The following DYNC1H1 variants were observed in gnomAD, a reference collection of about 807,000 sequenced individuals.
DYNC1H1 encodes cytoplasmic dynein 1 heavy chain 1.
A neutral mutation model predicts 527.1 loss-of-function variants in DYNC1H1; 51 were observed. The ratio of observed to expected loss-of-function variants is 0.10; its 90% CI spans 0.08 to 0.12. The LOEUF is 0.12. Among genes scored for constraint, DYNC1H1 ranks in the 10% least tolerant of loss-of-function variants. The pLI is 1.00. For synonymous variants in DYNC1H1, 2,189 were observed against 2,278.8 expected (o/e 0.96, Z 1.12); for missense variants, 2,771 against 5,971.8 (o/e 0.46, Z 17.66).
intron 1 of DYNC1H1, among the ~76,000 whole-genome samples, chr14:101,974,711 A>G (rs2047780227): frequency 6.6e-6 from 1 of 152,104 alleles, no homozygotes; most frequent in South Asian, 2.1e-4. Context: ...TTTTATTATT[A>G]AAAAATTGAG....
chr14:102,042,453 C>T lies in DYNC1H1; in HGVS notation c.12345C>T (p.Ser4115=), dbSNP rs774128776. 126 of 1,613,982 alleles carry T rather than the reference C, an allele frequency of 7.8e-5. No individual in the cohort carries two copies. Among genetic ancestry groups the T allele is most frequent in the Non-Finnish European group, 1.1e-4 (125 of 1,180,038 alleles). Residue 4115 remains serine, a synonymous_variant, in exon 68 of 78, where the codon TCC becomes TCT. Coordinates refer to ENST00000360184, the MANE Select transcript of DYNC1H1 (RefSeq NM_001376.5). This position sits in a 1 kb window ranked among gnomAD's most constrained non-coding sequence, Gnocchi z 5.7. The part of the protein sequence containing the change: ...WLMQLEKKLH[S]LQPHACFRLF... Reference sequence around the variant, plus strand: ...TGCAGCTGGAGAAGAAGTTGCATTCCCTGCAGCCGCATGCCTGCTTCCGAC... The same window carrying T: ...TGCAGCTGGAGAAGAAGTTGCATTCTCTGCAGCCGCATGCCTGCTTCCGAC...
intron 72 of DYNC1H1, among the ~76,000 whole-genome samples, chr14:102,047,398 G>A (rs982405028): frequency 4.6e-5 from 7 of 151,806 alleles, no homozygotes; most frequent in Non-Finnish European, 7.4e-5. Context: ...TTAGCCAGGC[G>A]CGGTGCCACA....
In DYNC1H1 at chr14:102,042,015, G is replaced by A. The variant is rs749536807; in HGVS notation, c.12105G>A (p.Val4035=). Residue 4035 remains valine (V), a splice_region_variant and synonymous_variant, in exon 66 of 78, where the codon GTG becomes GTA. Transcript: ENST00000360184. The surrounding 1 kb of genome is among the most constrained non-coding windows in gnomAD (Gnocchi z 5.7). Reference sequence around the variant, plus strand: ...ACTTCTGCCTTCTTTGTTTGCAGGTGAAGCCCAACACTCCTGTCTTAATGT... The same window carrying A: ...ACTTCTGCCTTCTTTGTTTGCAGGTAAAGCCCAACACTCCTGTCTTAATGT... ...LDLTHIVGTE[V]KPNTPVLMCS... is the part of the protein sequence containing the mutation. 4.3e-6 allele frequency: 7 copies of A among 1,613,966 alleles called. No homozygotes were observed. The highest frequency in any genetic ancestry group is 4.0e-5 in the African/African-American group (3 of 74,916).
At position 101,979,649 on chromosome 14, in the gene DYNC1H1, A is replaced by G; in HGVS notation, c.519-70A>G. ...TATGTGTGTCATTACTATTTGACAG[A>G]CCTGAAATGATGGGATCTCTTTGGA... is the stretch of plus-strand genomic sequence containing the variant. On this transcript the variant is annotated intron_variant, in intron 3 of 77. Transcript: ENST00000360184. The surrounding 1 kb of genome is among the most constrained non-coding windows in gnomAD (Gnocchi z 4.6). 6.2e-7 allele frequency: 1 copy of G among 1,611,260 alleles called. No homozygotes were observed. Among genetic ancestry groups the G allele is most frequent in the Admixed American group, 1.7e-5 (1 of 59,984 alleles).
At chr14:102,003,057 T>A in intron 23 of DYNC1H1, 92 bp downstream of exon 23, 1 of 1,553,378 alleles carries the variant, frequency 6.4e-7, no homozygotes, top group Non-Finnish European at 8.8e-7. Context: ...GGCCTGTGTT[T>A]GTTAGTTTTG....
intron 10 of DYNC1H1, 82 bp downstream of exon 10, chr14:101,988,934 C>G (rs1186533947): frequency 6.4e-7 from 1 of 1,573,770 alleles, no homozygotes; most frequent in Non-Finnish European, 8.6e-7. Flanking sequence ...GGAAAGGTCA[C>G]TTAGTGTGGA....
In DYNC1H1 at chr14:102,048,328, C is replaced by T. The variant is rs148469044; in HGVS notation, c.13219-188C>T. 1.4e-3 allele frequency: 1,184 copies of T among 834,646 alleles called. 11 individuals carry two copies. The African/African-American group carries it at 0.017, about 12-fold the overall frequency. 51.7% of individuals were successfully genotyped at this position (834,646 alleles called of 1,614,324 possible). ...GCTGCGACTCGGGCAGGGGCCTCAGCGGGTTTCTGAGCAGCCTCAGCTTCA... is the reference window on the plus strand; with the variant it reads ...GCTGCGACTCGGGCAGGGGCCTCAGTGGGTTTCTGAGCAGCCTCAGCTTCA... On this transcript the variant is annotated intron_variant, in intron 73 of 77. Transcript: ENST00000360184.
Position 101,988,737 on chromosome 14 carries a change from G to T in DYNC1H1, c.2753G>T (p.Gly918Val), listed in dbSNP as rs2047963817. 1 of 1,614,164 alleles carries T rather than the reference G, an allele frequency of 6.2e-7. No homozygotes were observed. The highest frequency in any genetic ancestry group is 8.5e-7 in the Non-Finnish European group (1 of 1,180,030). ...ERILGVRLQAGLRAWTQVLLG... is the reference protein window; with the variant it reads ...ERILGVRLQAVLRAWTQVLLG... ...ATATTGGGCGTCCGTCTGCAAGCTG[G>T]CCTGAGAGCTTGGACGCAGGTTCTT... The change falls in exon 10 of 78, where the codon GGC (glycine) becomes GTC (valine). Residue 918 changes from glycine (G) to valine (V), a missense_variant. Gly to Val is a moderately radical substitution (Grantham distance 109). Transcript: ENST00000360184.
In DYNC1H1 at chr14:102,026,718, T is replaced by A; in HGVS notation, c.8771+11T>A. 16 of 1,613,556 alleles carry A rather than the reference T, an allele frequency of 9.9e-6. No homozygotes were observed. Among genetic ancestry groups the A allele is most frequent in the Non-Finnish European group, 1.3e-5 (15 of 1,179,776 alleles). On this transcript the variant is annotated intron_variant, in intron 44 of 77. Coordinates refer to ENST00000360184, the MANE Select transcript of DYNC1H1 (RefSeq NM_001376.5). ...GCTGAGGATTGACAGGTGGGCTTTT[T>A]TGTTGTTACAGCCCCACCTCTCGCC...
At chr14:102,045,664 T>C (rs1016524663) in intron 72 of DYNC1H1, among the ~76,000 whole-genome samples, 3 of 152,000 alleles carry the variant, frequency 2.0e-5, no homozygotes, top group Admixed American at 2.0e-4. Context: ...AGTTGAAAAG[T>C]ACCTGATATT....
Position 101,979,803 on chromosome 14 carries a change from A to G in DYNC1H1, c.603A>G (p.Glu201=). ...MGLLHLQQNI[E]IPEISLPIHP... ...TCCTTCACTTGCAGCAAAATATTGA[A>G]ATTCCGGAGATCAGCCTGCCGATTC... The change falls in exon 4 of 78, where the codon GAA becomes GAG. Residue 201 remains glutamate (E), a synonymous_variant. Coordinates refer to ENST00000360184, the MANE Select transcript of DYNC1H1 (RefSeq NM_001376.5). The surrounding 1 kb of genome is among the most constrained non-coding windows in gnomAD (Gnocchi z 4.6). 6.2e-7 allele frequency: 1 copy of G among 1,614,170 alleles called. No individual in the cohort carries two copies. Among genetic ancestry groups the G allele is most frequent in the Non-Finnish European group, 8.5e-7 (1 of 1,180,036 alleles).
Position 102,056,022 on chromosome 14 carries a change from G to C in DYNC1H1, c.*5459G>C, listed in dbSNP as rs988065244. The C allele has an allele frequency of 1.3e-5, 2 of 152,200 alleles. No homozygotes were observed. Among genetic ancestry groups the C allele is most frequent in the African/African-American group, 2.4e-5 (1 of 41,448 alleles). 9.4% of individuals were successfully genotyped at this position (152,200 alleles called of 1,614,324 possible). A position where few individuals can be genotyped will look rare whatever the true frequency, so the allele number is the denominator to read the frequency against. On this transcript the variant is annotated 3_prime_UTR_variant, in exon 78 of 78. Transcript: ENST00000360184. Reference sequence around the variant, plus strand: ...GACACAGCCTCAGGAGGTCCTGACTGGGGGGAGAGAGACCCTCTCATATTG... The same window carrying C: ...GACACAGCCTCAGGAGGTCCTGACTCGGGGGAGAGAGACCCTCTCATATTG...
intron 2 of DYNC1H1, among the ~76,000 whole-genome samples, chr14:101,977,307 T>A (rs369930192): frequency 6.6e-5 from 10 of 152,240 alleles, no homozygotes; most frequent in African/African-American, 2.4e-4. Flanking sequence ...CGCATTTTTT[T>A]AAGCTTATTT....
In DYNC1H1 at chr14:102,018,257, C is replaced by T. The variant is rs560528083; in HGVS notation, c.8178-194C>T. Among the ~76,000 whole-genome samples the T allele has an allele frequency of 2.0e-5, 3 of 152,202 alleles. No homozygotes were observed. Among genetic ancestry groups the T allele is most frequent in the South Asian group, 4.1e-4 (2 of 4,834 alleles). On this transcript the variant is annotated intron_variant, in intron 40 of 77. Coordinates refer to ENST00000360184, the MANE Select transcript of DYNC1H1 (RefSeq NM_001376.5). This position sits in a 1 kb window ranked among gnomAD's most constrained non-coding sequence, Gnocchi z 5.2. Reference sequence around the variant, plus strand: ...TGCTGGTTTTTCAAGTGTTTTCCATCGACTGTTGTGTGTCAGACCCCAAGC... The same window carrying T: ...TGCTGGTTTTTCAAGTGTTTTCCATTGACTGTTGTGTGTCAGACCCCAAGC...
chr14:102,044,183 G>T lies in DYNC1H1; in HGVS notation c.12685-91G>T. 1 of 1,585,944 alleles carries T rather than the reference G, an allele frequency of 6.3e-7. No homozygotes were observed. Among genetic ancestry groups the T allele is most frequent in the Non-Finnish European group, 8.6e-7 (1 of 1,166,768 alleles). ...ACCGCCAAAGCCTAGCTGGCCATGG[G>T]GAGTGAGGAGGAAAGCTGTGCCCCT... is the stretch of plus-strand genomic sequence containing the variant. On this transcript the variant is annotated intron_variant, in intron 70 of 77. Coordinates refer to ENST00000360184, the MANE Select transcript of DYNC1H1 (RefSeq NM_001376.5). The surrounding 1 kb of genome is among the most constrained non-coding windows in gnomAD (Gnocchi z 7.1).
intron 9 of DYNC1H1, among the ~76,000 whole-genome samples, chr14:101,987,888 G>A (rs1051652234): frequency 3.3e-5 from 5 of 152,102 alleles, no homozygotes; most frequent in African/African-American, 1.2e-4. Flanking sequence ...GACCAGCCTG[G>A]GCAACATGGC....
At chr14:102,009,506 T>C (rs63374060) in intron 29 of DYNC1H1, 3 of 96,432 alleles carry the variant, frequency 3.1e-5, no homozygotes, top group African/African-American at 2.0e-4. Context: ...CATTTATTCC[T>C]TTTTTTTTTT....
At chr14:102,022,088 A>G (rs2048390715) in intron 42 of DYNC1H1, among the ~76,000 whole-genome samples, 1 of 151,958 alleles carries the variant, frequency 6.6e-6, no homozygotes, top group African/African-American at 2.4e-5. Flanking sequence ...GTGAGCCAAG[A>G]TCGCGCCACT....
intron 1 of DYNC1H1, among the ~76,000 whole-genome samples, chr14:101,969,073 A>G (rs1298817651): frequency 2.0e-5 from 3 of 151,694 alleles, no homozygotes; most frequent in South Asian, 4.1e-4. Context: ...GCTGGAGTGC[A>G]GTGGCACGAT....
Sources: allele counts gnomAD v4.1 joint callset (sites outside exome capture counted in the v4.1 genomes callset), GRCh38; gene constraint gnomAD v4.1.1; non-coding constraint Gnocchi (gnomAD v3.1); transcripts MANE v1.5; gene names NCBI Gene and HGNC (gene_info 2026-07-23, HGNC 2026-07-21).